Variants in MAD1L1 observed in about 807,000 individuals in gnomAD.
MAD1L1 encodes the protein mitotic spindle assembly checkpoint protein MAD1.
A neutral mutation model predicts 96.9 loss-of-function variants in MAD1L1; 95 were observed. That is an observed-to-expected ratio of 0.98 (90% CI 0.83 to 1.16). The LOEUF is 1.16. Ranked by LOEUF, MAD1L1 falls within the 50% of genes most tolerant of loss-of-function variation. The probability of loss-of-function intolerance (pLI) is 0.00; values close to 1 mark genes in which losing one functional copy is unlikely to be tolerated. For synonymous variants in MAD1L1, 473 were observed against 396.6 expected, an observed-to-expected ratio of 1.19 and a Z score of -2.29; for missense variants, 1,007 against 954.4, an observed-to-expected ratio of 1.06 and a Z score of -0.73.
intron 13 of MAD1L1, among the ~76,000 whole-genome samples, chr7:2,007,161 C>T (rs1190913237): frequency 2.6e-5 from 4 of 152,158 alleles, no homozygotes; most frequent in Non-Finnish European, 4.4e-5. Flanking sequence ...AGAGAAGAGG[C>T]GCCGAGGTGG....
intron 11 of MAD1L1, among the ~76,000 whole-genome samples, chr7:2,141,942 G>T (rs188524626): frequency 4.5e-4 from 69 of 152,326 alleles, no homozygotes; most frequent in African/African-American, 1.6e-3. Flanking sequence ...CACCAGCCAG[G>T]CCAGGGTCGC....
At chr7:2,232,345 C>T (rs3757437) in intron 1 of MAD1L1, among the ~76,000 whole-genome samples, 40,834 of 152,264 alleles carry the variant, frequency 0.27, 6,871 homozygotes, top group East Asian at 0.51. Flanking sequence ...CTCCATTGCC[C>T]AAACGAGATC....
At chr7:2,098,210 G>C (rs543605832) in intron 11 of MAD1L1, among the ~76,000 whole-genome samples, 1 of 152,300 alleles carries the variant, frequency 6.6e-6, no homozygotes, top group East Asian at 1.9e-4. Flanking sequence ...CCAGGACTGG[G>C]GCTGACTGCA....
chr7:2,174,331 T>C (rs1322732155), intron 10 of MAD1L1, among the ~76,000 whole-genome samples: 2 of 152,198 alleles, frequency 1.3e-5, no homozygotes, highest in African/African-American at 2.4e-5. Flanking sequence ...ATGTAACCTA[T>C]TCTCATCCTT....
At chr7:2,183,166 T>C (rs933696290) in intron 10 of MAD1L1, among the ~76,000 whole-genome samples, 4 of 150,408 alleles carry the variant, frequency 2.7e-5, no homozygotes, top group African/African-American at 9.8e-5. Flanking sequence ...TGAACTATGA[T>C]CGCGCCACTG....
chr7:2,002,209 G>A (rs572413390), intron 13 of MAD1L1, 88 bp from the exon 14 acceptor site: 386 of 1,300,958 alleles, frequency 3.0e-4, no homozygotes, highest in South Asian at 8.0e-4. Flanking sequence ...CCACCACCCC[G>A]CAGCCTCCAC....
chr7:1,852,292 C>T (rs1334898014), intron 18 of MAD1L1, among the ~76,000 whole-genome samples: 2 of 152,214 alleles, frequency 1.3e-5, no homozygotes, highest in Non-Finnish European at 2.9e-5. Context: ...CCCACACCTG[C>T]AGCGTAGCAC....
intron 14 of MAD1L1, among the ~76,000 whole-genome samples, chr7:1,996,651 C>A (rs1781575210): frequency 1.3e-5 from 2 of 152,250 alleles, no homozygotes; most frequent in African/African-American, 4.8e-5. Flanking sequence ...CTGTCCGGGC[C>A]TCAGTGCTGC....
At chr7:2,002,708 G>C (rs1450538020) in intron 13 of MAD1L1, among the ~76,000 whole-genome samples, 1 of 152,180 alleles carries the variant, frequency 6.6e-6, no homozygotes, top group Admixed American at 6.5e-5. Flanking sequence ...AGCCAGCAAT[G>C]AAAAGCCAGC....
intron 10 of MAD1L1, among the ~76,000 whole-genome samples, chr7:2,155,033 G>A (rs990835832): frequency 6.6e-6 from 1 of 152,232 alleles, no homozygotes; most frequent in Non-Finnish European, 1.5e-5. Context: ...TGGACTGTGA[G>A]CTCTCAGAGA....
At chr7:1,961,297 C>T (rs759889903) in intron 15 of MAD1L1, among the ~76,000 whole-genome samples, 7 of 152,150 alleles carry the variant, frequency 4.6e-5, no homozygotes, top group Non-Finnish European at 8.8e-5. Flanking sequence ...ATAGAGAAAA[C>T]AACATTGACA....
At chr7:2,065,581 C>T (rs76647386) in intron 12 of MAD1L1, among the ~76,000 whole-genome samples, 1,648 of 152,284 alleles carry the variant, frequency 0.011, 27 homozygotes, top group African/African-American at 0.038. Flanking sequence ...ATTCAGCCAG[C>T]CCAGACCCAA....
chr7:2,003,356 G>A (rs937973771), intron 13 of MAD1L1, among the ~76,000 whole-genome samples: 14 of 152,138 alleles, frequency 9.2e-5, no homozygotes, highest in African/African-American at 3.4e-4. Context: ...TGGAGACACA[G>A]AAAACAAGGC....
At chr7:2,147,033 G>C (rs971610301) in intron 11 of MAD1L1, among the ~76,000 whole-genome samples, 1 of 152,202 alleles carries the variant, frequency 6.6e-6, no homozygotes, top group Non-Finnish European at 1.5e-5. Context: ...CAGGCACTCA[G>C]CGTCACCAGG....
At chr7:2,075,598 A>T (rs1785337893) in intron 11 of MAD1L1, among the ~76,000 whole-genome samples, 1 of 152,004 alleles carries the variant, frequency 6.6e-6, no homozygotes, top group South Asian at 2.1e-4. Flanking sequence ...TTATCAATCA[A>T]TGGCTCTCTG....
At chr7:2,031,044 A>T (rs1584130949) in intron 12 of MAD1L1, among the ~76,000 whole-genome samples, 1 of 152,322 alleles carries the variant, frequency 6.6e-6, no homozygotes, top group South Asian at 2.1e-4. Flanking sequence ...AGCCCCCAGG[A>T]GAAAAAACGG....
chr7:1,985,789 GCC>G (rs1463443128), intron 14 of MAD1L1, among the ~76,000 whole-genome samples: 1 of 1,352 alleles, frequency 7.4e-4, no homozygotes. Flanking sequence ...TTCCTGTACT[GCC>G]CCCTACTGCC....
At chr7:2,168,151 G>A (rs1286122135) in intron 10 of MAD1L1, among the ~76,000 whole-genome samples, 1 of 152,194 alleles carries the variant, frequency 6.6e-6, no homozygotes, top group African/African-American at 2.4e-5. Context: ...CAGGCGTGGT[G>A]GTGGGTGCCT....
intron 16 of MAD1L1, among the ~76,000 whole-genome samples, chr7:1,937,582 G>C (rs117012176): frequency 2.0e-5 from 3 of 150,500 alleles, no homozygotes; most frequent in African/African-American, 2.4e-5. Context: ...GGGGACAGCC[G>C]CCCACAGCAG....
Sources: allele counts gnomAD v4.1 joint callset (sites outside exome capture counted in the v4.1 genomes callset), GRCh38; gene constraint gnomAD v4.1.1; transcripts MANE v1.5; gene names NCBI Gene and HGNC (gene_info 2026-07-23, HGNC 2026-07-21).